The following ACYP2 variants were observed in gnomAD, a reference collection of about 807,000 sequenced individuals.
ACYP2 encodes acylphosphatase 2, also known as acylphosphatase-2.
A neutral mutation model predicts 11.2 loss-of-function variants in ACYP2; 12 were observed. The observed-to-expected ratio is 1.08, with a 90% confidence interval of 0.69 to 1.74. The LOEUF is 1.74. ACYP2 is among the 40% of genes most tolerant of loss of function. The pLI is 0.00. For synonymous variants in ACYP2, 43 were observed against 32.2 expected, an observed-to-expected ratio of 1.33 and a Z score of -1.13; for missense variants, 134 against 101.9, an observed-to-expected ratio of 1.31 and a Z score of -1.35.
chr2:54,277,288 A>G (rs1688639283), intron 6 of ACYP2, among the ~76,000 whole-genome samples: 1 of 152,212 alleles, frequency 6.6e-6, no homozygotes, highest in Admixed American at 6.5e-5. Flanking sequence ...TTTCCCTCCT[A>G]GGAGACAGCT....
intron 6 of ACYP2, among the ~76,000 whole-genome samples, chr2:54,251,897 T>C (rs2104010795): frequency 6.6e-6 from 1 of 152,358 alleles, no homozygotes; most frequent in East Asian, 1.9e-4. Context: ...GTTCCTCTCC[T>C]GTAACACAAT....
rs13405053 is a variant in ACYP2, at chr2:54,135,454, T to A, written c.279T>A (p.Ser93Arg). ...TCTTTTTATCTTTCTTTTATACAGG[T>A]GTTTGCTTCAGAATGGTAAGTCAGT... The change falls in exon 5 of 7, where the codon AGT becomes AGA. Residue 93 changes from serine (S) to arginine (R), a missense_variant and splice_region_variant. Physicochemically the swap from Ser to Arg is moderately radical, Grantham distance 110. Transcript: ENST00000607452. 4,053 of 1,607,950 alleles carry A rather than the reference T, an allele frequency of 2.5e-3. 92 individuals carry two copies. The African/African-American group carries it at 0.048, about 19-fold the overall frequency.
At chr2:53,985,976 A>T (rs1320505958) in intron 2 of ACYP2, among the ~76,000 whole-genome samples, 1 of 152,148 alleles carries the variant, frequency 6.6e-6, no homozygotes, top group East Asian at 1.9e-4. Context: ...TCTCTAGTAA[A>T]ATACAAAAAA....
chr2:54,026,743 A>T (rs527603420), intron 2 of ACYP2, among the ~76,000 whole-genome samples: 1 of 152,368 alleles, frequency 6.6e-6, no homozygotes, highest in Admixed American at 6.5e-5. Context: ...GAAATGAAAT[A>T]ATGGCATTTG....
chr2:54,112,152 A>T (rs1679494065), intron 4 of ACYP2, among the ~76,000 whole-genome samples: 2 of 152,192 alleles, frequency 1.3e-5, no homozygotes, highest in African/African-American at 4.8e-5. Flanking sequence ...CATATTATAT[A>T]AGCAGGATTT....
intron 6 of ACYP2, among the ~76,000 whole-genome samples, chr2:54,172,578 T>C (rs902164525): frequency 5.3e-5 from 8 of 152,194 alleles, no homozygotes; most frequent in African/African-American, 1.9e-4. Flanking sequence ...TAGAATAAAT[T>C]GAACTCTACT....
chr2:53,995,593 T>C (rs1165923341), intron 2 of ACYP2, among the ~76,000 whole-genome samples: 1 of 151,480 alleles, frequency 6.6e-6, no homozygotes, highest in Non-Finnish European at 1.5e-5. Context: ...AACCTCCGCC[T>C]CCTGGGTTCC....
At chr2:54,042,009 CTT>C (rs111463982) in intron 2 of ACYP2, among the ~76,000 whole-genome samples, 209 of 136,518 alleles carry the variant, frequency 1.5e-3, no homozygotes, top group African/African-American at 1.6e-3. Context: ...TTTATTCTTT[CTT>C]TTTTTTTTTT....
intron 6 of ACYP2, among the ~76,000 whole-genome samples, chr2:54,227,073 C>G (rs1460625703): frequency 6.6e-6 from 1 of 152,100 alleles, no homozygotes; most frequent in Non-Finnish European, 1.5e-5. Context: ...GGTACAAATA[C>G]TGAATGTGAG....
intron 6 of ACYP2, among the ~76,000 whole-genome samples, chr2:54,220,517 T>C (rs1453405409): frequency 6.6e-6 from 1 of 152,186 alleles, no homozygotes; most frequent in African/African-American, 2.4e-5. Flanking sequence ...CCAGATACAA[T>C]TATGAATTTT....
At chr2:54,051,548 G>A (rs1329320317) in intron 3 of ACYP2, 1 of 736,946 alleles carries the variant, frequency 1.4e-6, no homozygotes, top group Non-Finnish European at 2.5e-6. Context: ...AATAAAAGGA[G>A]ATCATCTTGG....
chr2:54,196,977 T>G (rs949010680), intron 6 of ACYP2, among the ~76,000 whole-genome samples: 3 of 152,242 alleles, frequency 2.0e-5, no homozygotes, highest in African/African-American at 7.2e-5. Context: ...TGTCACCTCA[T>G]TTAATCCTCA....
rs77203567 is a variant in ACYP2 at position 54,081,946 on chromosome 2, C to T, written c.277+24586C>T. The stretch of plus-strand genomic sequence containing the variant: ...CATGTCTGTCATCTTCCAGGAAGCT[C>T]GTATGGGCTTCTTCAGAGGGCAGTC... On this transcript the variant is annotated intron_variant, in intron 4 of 6. Transcript: ENST00000607452. Among the ~76,000 whole-genome samples the T allele has an allele frequency of 2.0e-3, 302 of 152,274 alleles. 8 individuals are homozygous for T. The East Asian group carries it at 0.032, about 16-fold the overall frequency.
intron 4 of ACYP2, among the ~76,000 whole-genome samples, chr2:54,059,675 G>C (rs1156608767): frequency 2.0e-5 from 3 of 152,136 alleles, no homozygotes; most frequent in African/African-American, 7.2e-5. Context: ...GACATTCCCT[G>C]TTTTCCATCT....
chr2:54,063,485 G>A (rs1028593835), intron 4 of ACYP2, among the ~76,000 whole-genome samples: 31 of 152,264 alleles, frequency 2.0e-4, no homozygotes, highest in South Asian at 6.2e-4. Flanking sequence ...CTGTCCCTCT[G>A]GCCTCAGGCT....
intron 2 of ACYP2, among the ~76,000 whole-genome samples, chr2:53,980,121 T>A (rs1218668632): frequency 1.3e-5 from 2 of 152,116 alleles, no homozygotes; most frequent in African/African-American, 4.8e-5. Flanking sequence ...GGCAGGAGGA[T>A]CACTTGAGCC....
chr2:54,274,085 GA>G (rs1193031171), intron 6 of ACYP2, among the ~76,000 whole-genome samples: 2 of 152,146 alleles, frequency 1.3e-5, no homozygotes, highest in Non-Finnish European at 2.9e-5. Context: ...ATTTACAAAA[GA>G]AAGAGGTTTA....
chr2:54,046,167 CAAAAAAA>C (rs36114622), intron 2 of ACYP2, among the ~76,000 whole-genome samples: 1 of 55,844 alleles, frequency 1.8e-5, no homozygotes, highest in Non-Finnish European at 3.2e-5. Context: ...CAGACCCTGT[CAAAAAAA>C]AAAAAAAAAA....
At chr2:54,144,468 G>GT (rs1256217527) in intron 6 of ACYP2, among the ~76,000 whole-genome samples, 4 of 152,112 alleles carry the variant, frequency 2.6e-5, no homozygotes, top group Non-Finnish European at 5.9e-5. Flanking sequence ...GAGGTCAGGA[G>GT]TTTGAGACCA....
Sources: allele counts gnomAD v4.1 joint callset (sites outside exome capture counted in the v4.1 genomes callset), GRCh38; gene constraint gnomAD v4.1.1; transcripts MANE v1.5; gene names NCBI Gene and HGNC (gene_info 2026-07-23, HGNC 2026-07-21).